Variants in UBE3B observed in about 807,000 individuals in gnomAD.
UBE3B encodes the protein ubiquitin protein ligase E3B.
UBE3B carries 80 observed loss-of-function variants against 132.3 expected under a neutral mutation model. That is an observed-to-expected ratio of 0.60 (90% CI 0.50 to 0.73). The LOEUF is 0.73. Ranked by LOEUF, UBE3B falls within the 30% of genes least tolerant of loss-of-function variation. UBE3B has a pLI of 0.00. For missense variants in UBE3B, 1,196 were observed against 1,362.5 expected, an observed-to-expected ratio of 0.88 and a Z score of 1.92; for synonymous variants, 487 against 520.4, an observed-to-expected ratio of 0.94 and a Z score of 0.87.
chr12:109,545,400 C>T, the UBE3B span, among the ~76,000 whole-genome samples: 1 of 152,258 alleles, frequency 6.6e-6, no homozygotes, highest in African/African-American at 2.4e-5. Context: ...CTACAGAGCT[C>T]ACTCTCTGGT....
At chr12:109,488,815 C>A in intron 7 of UBE3B, 147 bp downstream of exon 7, 1 of 682,732 alleles carries the variant, frequency 1.5e-6, no homozygotes. Context: ...TGGTGCTGAC[C>A]ATCAGACTGC....
chr12:109,540,765 C>T (rs1213668556), downstream of UBE3B, among the ~76,000 whole-genome samples: 2 of 152,226 alleles, frequency 1.3e-5, no homozygotes, highest in Non-Finnish European at 2.9e-5. Context: ...CTAAACTAGC[C>T]TGCCTTATGC....
chr12:109,539,961 T>G (rs891093816), downstream of UBE3B, among the ~76,000 whole-genome samples: 1 of 151,866 alleles, frequency 6.6e-6, no homozygotes, highest in African/African-American at 2.4e-5. Flanking sequence ...GCCTTGGGCA[T>G]ACTGGGATGG....
intron 24 of UBE3B, among the ~76,000 whole-genome samples, 174 bp downstream of exon 24, chr12:109,526,590 C>T (rs929415909): frequency 6.6e-5 from 10 of 152,130 alleles, no homozygotes; most frequent in Admixed American, 2.6e-4. Flanking sequence ...ATTCAATTTG[C>T]GGCCGGGCAC....
chr12:109,544,737 C>G, the UBE3B span, among the ~76,000 whole-genome samples: 1 of 152,202 alleles, frequency 6.6e-6, no homozygotes, highest in Non-Finnish European at 1.5e-5. Context: ...GTGGGAGCTC[C>G]TGGTCATCAG....
At chr12:109,527,183 T>C (rs1882439621) in intron 24 of UBE3B, among the ~76,000 whole-genome samples, 1 of 152,178 alleles carries the variant, frequency 6.6e-6, no homozygotes, top group South Asian at 2.1e-4. Flanking sequence ...GACATGGGAA[T>C]TGGAGAGACT....
intron 4 of UBE3B, among the ~76,000 whole-genome samples, chr12:109,484,549 G>A (rs1248610416): frequency 3.3e-5 from 5 of 152,106 alleles, no homozygotes; most frequent in East Asian, 1.9e-4. Flanking sequence ...GTGCCACCAC[G>A]CCCAGCTAAT....
chr12:109,525,406 G>A (rs540120107), intron 23 of UBE3B, among the ~76,000 whole-genome samples: 1 of 152,188 alleles, frequency 6.6e-6, no homozygotes, highest in Non-Finnish European at 1.5e-5. Flanking sequence ...AATAGCTCAC[G>A]GGCAGGGTGT....
At chr12:109,510,304 C>G (rs1378323544) in intron 16 of UBE3B, 40 bp from the exon 17 acceptor site, 1 of 1,524,950 alleles carries the variant, frequency 6.6e-7, no homozygotes, top group African/African-American at 1.4e-5. Context: ...CTCTCTGGCT[C>G]TGACTCCTCC....
At chr12:109,542,505 G>T in the UBE3B span, among the ~76,000 whole-genome samples, 3 of 152,176 alleles carry the variant, frequency 2.0e-5, no homozygotes, top group Non-Finnish European at 4.4e-5. Context: ...CAAAAAAGAT[G>T]CATCCTAACC....
In UBE3B at chr12:109,521,458, G is replaced by A. The variant is rs1268340286; in HGVS notation, c.2271G>A (p.Glu757=). 1 of 1,586,556 alleles carries A rather than the reference G, an allele frequency of 6.3e-7. No homozygotes were observed. The highest frequency in any genetic ancestry group is 1.3e-5 in the African/African-American group (1 of 74,376). ...CCTTGCAGACAACCAGTGGGGATGAGAGGCTGTACCCCTCACCCACATCCT... is the reference window on the plus strand; with the variant it reads ...CCTTGCAGACAACCAGTGGGGATGAAAGGCTGTACCCCTCACCCACATCCT... ...LNLFKTTSGD[E]RLYPSPTSYI... is the part of the protein sequence containing the mutation. The change falls in exon 21 of 28, where the codon GAG becomes GAA. Residue 757 remains glutamate, a synonymous_variant. Coordinates refer to ENST00000342494, the MANE Select transcript of UBE3B (RefSeq NM_130466.4). This position sits in a 1 kb window ranked among gnomAD's most constrained non-coding sequence, Gnocchi z 4.2.
In UBE3B at chr12:109,524,058, G is replaced by A. The variant is rs752551850; in HGVS notation, c.2445G>A (p.Ser815=). Residue 815 remains serine (S), a synonymous_variant, in exon 22 of 28, where the codon TCG becomes TCA. Transcript: ENST00000342494. ...LGHHHSVFYS[S]VDELPSLDSE... ...ACCACCACAGCGTCTTCTATAGCTC[G>A]GTGGATGAACTGCCTTCTCTGGACT... is the stretch of plus-strand genomic sequence containing the variant. 8.1e-6 allele frequency: 13 copies of A among 1,614,080 alleles called. No individual in the cohort carries two copies. The highest frequency in any genetic ancestry group is 2.2e-5 in the East Asian group (1 of 44,892).
chr12:109,499,537 T>A, intron 11 of UBE3B, 96 bp from the exon 12 acceptor site: 1 of 1,245,210 alleles, frequency 8.0e-7, no homozygotes, highest in Non-Finnish European at 1.1e-6. Flanking sequence ...TTGCTGCACA[T>A]GGGATGTGGC....
intron 14 of UBE3B, among the ~76,000 whole-genome samples, chr12:109,505,158 C>CT (rs1351387631): frequency 6.6e-6 from 1 of 152,164 alleles, no homozygotes; most frequent in Non-Finnish European, 1.5e-5. Flanking sequence ...ATAAACTAGT[C>CT]TAAAGTGTAT....
intron 13 of UBE3B, 140 bp downstream of exon 13, chr12:109,501,674 C>T (rs1417808405): frequency 3.7e-6 from 4 of 1,069,170 alleles, no homozygotes; most frequent in Non-Finnish European, 5.2e-6. Context: ...TTGTTAGAGA[C>T]AGAGTCTCAC....
rs773314063 is a variant in UBE3B at position 109,489,888 on chromosome 12, C to CT, written c.545-25dup. The CT allele has an allele frequency of 1.3e-5, 21 of 1,605,538 alleles. 1 individual carries two copies. The Admixed American group carries it at 2.8e-4, about 22-fold the overall frequency. On this transcript the variant is annotated intron_variant, in intron 7 of 27. Transcript: ENST00000342494. The stretch of plus-strand genomic sequence containing the variant: ...AAACAGGTCACATTATGGCAAGAGA[C>CT]TTTTTTGTTCTCACTGTTTTCTTTC...
the UBE3B span, among the ~76,000 whole-genome samples, chr12:109,544,514 C>A: frequency 6.6e-6 from 1 of 152,174 alleles, no homozygotes. Flanking sequence ...GCCACTGCCA[C>A]CCCACAAAGC....
At chr12:109,497,946 C>CCGTGAAA in intron 10 of UBE3B, 23 bp downstream of exon 10, 2 of 1,608,982 alleles carry the variant, frequency 1.2e-6, no homozygotes, top group South Asian at 2.2e-5. Context: ...TGTGAGTTCC[C>CCGTGAAA]CGTGAAAACC....
intron 24 of UBE3B, among the ~76,000 whole-genome samples, chr12:109,527,794 A>C (rs1882514332): frequency 6.6e-6 from 1 of 152,154 alleles, no homozygotes; most frequent in Non-Finnish European, 1.5e-5. Flanking sequence ...CCATTCCTTT[A>C]GGGGGGTGCT....
Sources: gnomAD v4.1 joint callset for allele counts (sites outside exome capture counted in the v4.1 genomes callset) on GRCh38, gnomAD v4.1.1 for gene constraint, Gnocchi (gnomAD v3.1) non-coding constraint, MANE v1.5 for transcripts, NCBI Gene and HGNC (gene_info 2026-07-23, HGNC 2026-07-21) for gene names.